Variants in RSAD2 observed in about 807,000 individuals in gnomAD.
RSAD2 encodes S-adenosylmethionine-dependent nucleotide dehydratase RSAD2.
Under a neutral mutation model 37.7 loss-of-function variants are expected in RSAD2, and 38 were observed. That is an observed-to-expected ratio of 1.01 (90% CI 0.78 to 1.32). RSAD2 has a LOEUF of 1.32. Among genes scored for constraint, RSAD2 ranks in the 40% most tolerant of loss-of-function variants. The pLI is 0.00. For missense variants in RSAD2, 428 were observed against 437.5 expected (o/e 0.98, Z 0.19); for synonymous variants, 163 against 157.4 (o/e 1.04, Z -0.27).
At chr2:6,888,600 TC>T (rs571445180) in intron 3 of RSAD2, among the ~76,000 whole-genome samples, 1 of 152,196 alleles carries the variant, frequency 6.6e-6, no homozygotes, top group Admixed American at 6.5e-5. Context: ...AAATATTTTT[TC>T]CCCACAGCTT....
intron 3 of RSAD2, among the ~76,000 whole-genome samples, chr2:6,887,782 G>A (rs1482176404): frequency 2.0e-5 from 3 of 152,192 alleles, no homozygotes; most frequent in Admixed American, 2.0e-4. Context: ...GCAGCTTCTT[G>A]GGCCTCATAT....
upstream of RSAD2, among the ~76,000 whole-genome samples, chr2:6,876,034 C>T (rs1156691004): frequency 6.6e-6 from 1 of 152,200 alleles, no homozygotes; most frequent in African/African-American, 2.4e-5. Context: ...CCTAGACAAA[C>T]ACATTGCTTT....
At chr2:6,869,450 A>T (rs1663167208) in intron 1 of RSAD2, among the ~76,000 whole-genome samples, 4 of 152,188 alleles carry the variant, frequency 2.6e-5, no homozygotes, top group Admixed American at 2.0e-4. Flanking sequence ...ATTCCATTTT[A>T]TGCATGTAAA....
chr2:6,866,398 G>T, intron 1 of RSAD2: 2 of 976,910 alleles, frequency 2.0e-6, no homozygotes, highest in Non-Finnish European at 2.4e-6. Flanking sequence ...ACTCACCTGT[G>T]CACACACTCA....
At chr2:6,865,986 T>G (rs1395467069) in exon 1 of RSAD2, 13 of 812,876 alleles carry the variant, frequency 1.6e-5, no homozygotes, top group East Asian at 5.5e-5. Flanking sequence ...GCCTGCGCGG[T>G]CCCCAGGCGC....
At position 6,896,547 on chromosome 2, in the gene RSAD2, C is replaced by CTTTTTTTTTT. The variant is rs1558340059; in HGVS notation, c.*608_*609insTTTTTTTTTT. 1 of 149,182 alleles carries CTTTTTTTTTT rather than the reference C, an allele frequency of 6.7e-6. No homozygotes were observed. Among genetic ancestry groups the CTTTTTTTTTT allele is most frequent in the African/African-American group, 2.5e-5 (1 of 40,424 alleles). 9.2% of individuals were successfully genotyped at this position (149,182 alleles called of 1,614,324 possible). On this transcript the variant is annotated 3_prime_UTR_variant, in exon 6 of 6. Transcript: ENST00000382040. ...GGTTATAATGCTTTTTTTTTTTTGCCTTTATGCCATTGCAGTCTTGTACTT... is the reference window on the plus strand; with the variant it reads ...GGTTATAATGCTTTTTTTTTTTTGCCTTTTTTTTTTTTTATGCCATTGCAGTCTTGTACTT...
intron 1 of RSAD2, among the ~76,000 whole-genome samples, chr2:6,880,342 A>G (rs1315330970): frequency 6.6e-6 from 1 of 152,172 alleles, no homozygotes; most frequent in Non-Finnish European, 1.5e-5. Context: ...ACAGACTAAG[A>G]GTTTTAAGGA....
exon 1 of RSAD2, chr2:6,865,894 T>A: frequency 7.1e-7 from 1 of 1,406,428 alleles, no homozygotes; most frequent in Non-Finnish European, 9.2e-7. Flanking sequence ...CCTCTCCTCC[T>A]CGCCGCGAGA....
chr2:6,895,779 T>C lies in RSAD2; in HGVS notation c.923T>C (p.Met308Thr). The change falls in exon 6 of 6, where the codon ATG becomes ACG. Residue 308 changes from methionine (M) to threonine (T), a missense_variant and splice_region_variant. Coordinates refer to ENST00000382040, the MANE Select transcript of RSAD2 (RefSeq NM_080657.5). ...KDSYLILDEY[M>T]RFLNCRKGRK... ...CAGTTTCTGTTATGAATTTTCTAGA[T>C]GCGCTTTCTGAACTGTAGAAAGGGA... 1 of 1,611,402 alleles carries C rather than the reference T, an allele frequency of 6.2e-7. No individual in the cohort carries two copies.
rs1663768827 is a variant in RSAD2, at chr2:6,896,017, TC to T, written c.*78del. Reference sequence around the variant, plus strand: ...GTAACTGCCATTGTCTGCAATACTATCCCGTTGGTATTTCCCAGTGGCTGAA... The same window carrying T: ...GTAACTGCCATTGTCTGCAATACTATCCGTTGGTATTTCCCAGTGGCTGAA... On this transcript the variant is annotated 3_prime_UTR_variant, in exon 6 of 6. Coordinates refer to ENST00000382040, the MANE Select transcript of RSAD2 (RefSeq NM_080657.5). 1 of 1,425,014 alleles carries T rather than the reference TC, an allele frequency of 7.0e-7. No individual in the cohort carries two copies. The highest frequency in any genetic ancestry group is 1.4e-5 in the African/African-American group (1 of 70,708). The allele number at this position is 1,425,014 out of a possible 1,614,324, so 88.3% of individuals were successfully genotyped here.
chr2:6,878,270 C>T, intron 1 of RSAD2, 124 bp downstream of exon 1: 2 of 751,568 alleles, frequency 2.7e-6, no homozygotes, highest in East Asian at 2.7e-5. Context: ...CACCATTTAC[C>T]CTTGCATGGT....
exon 1 of RSAD2, chr2:6,865,976 G>A (rs1353691007): frequency 3.1e-6 from 3 of 962,462 alleles, no homozygotes; most frequent in Non-Finnish European, 4.2e-6. Flanking sequence ...GGCTCCGCGG[G>A]CCTGCGCGGT....
intron 1 of RSAD2, chr2:6,878,705 C>T: frequency 7.2e-6 from 3 of 415,474 alleles, no homozygotes; most frequent in Non-Finnish European, 1.1e-5. Context: ...CTGAGCATCA[C>T]CACATTAGTA....
intron 1 of RSAD2, among the ~76,000 whole-genome samples, chr2:6,879,607 A>T (rs886449840): frequency 2.0e-5 from 3 of 151,548 alleles, no homozygotes; most frequent in African/African-American, 7.3e-5. Context: ...TTTACTTTTC[A>T]CTTATGAGCT....
intron 1 of RSAD2, among the ~76,000 whole-genome samples, chr2:6,870,450 G>A (rs1007842733): frequency 6.6e-6 from 1 of 152,224 alleles, no homozygotes; most frequent in Non-Finnish European, 1.5e-5. Context: ...TGAGGTGGGG[G>A]TAATGAGGGT....
chr2:6,874,574 C>T (rs1271775884), upstream of RSAD2, among the ~76,000 whole-genome samples: 1 of 152,106 alleles, frequency 6.6e-6, no homozygotes, highest in East Asian at 1.9e-4. Flanking sequence ...GAAGCATTTG[C>T]AATCAGCTAT....
At chr2:6,893,837 C>T in intron 5 of RSAD2, 134 bp downstream of exon 5, 1 of 640,450 alleles carries the variant, frequency 1.6e-6, no homozygotes, top group South Asian at 1.9e-5. Flanking sequence ...GTTTGATAGT[C>T]AGTGATTATG....
chr2:6,893,803 G>T lies in RSAD2; in HGVS notation c.921+100G>T, dbSNP rs145481889. 121 of 811,154 alleles carry T rather than the reference G, an allele frequency of 1.5e-4. No homozygotes were observed. In the East Asian group the frequency reaches 3.1e-3, roughly 21 times the overall value. 50.2% of individuals were successfully genotyped at this position (811,154 alleles called of 1,614,324 possible). A position where few individuals can be genotyped will look rare whatever the true frequency, so the allele number is the denominator to read the frequency against. On this transcript the variant is annotated intron_variant, in intron 5 of 5. Coordinates refer to ENST00000382040, the MANE Select transcript of RSAD2 (RefSeq NM_080657.5). ...GAGCATAACTATCTAGTACCTATTTGTCCTTCTTAATTAGCACTTCACAGT... is the reference window on the plus strand; with the variant it reads ...GAGCATAACTATCTAGTACCTATTTTTCCTTCTTAATTAGCACTTCACAGT...
At chr2:6,869,121 A>G (rs1663159885) in intron 1 of RSAD2, among the ~76,000 whole-genome samples, 1 of 152,200 alleles carries the variant, frequency 6.6e-6, no homozygotes, top group African/African-American at 2.4e-5. Flanking sequence ...GGTTTCAAAC[A>G]CGTCCTGGTA....
Sources: gnomAD v4.1 joint callset for allele counts (sites outside exome capture counted in the v4.1 genomes callset) on GRCh38, gnomAD v4.1.1 for gene constraint, MANE v1.5 for transcripts, NCBI Gene and HGNC (gene_info 2026-07-23, HGNC 2026-07-21) for gene names.